BCCIP: variants seen among roughly 807,000 people sequenced by gnomAD.
BCCIP encodes the protein BRCA2 and CDKN1A interacting protein, also known as BRCA2 and CDKN1A-interacting protein.
BCCIP carries 23 observed loss-of-function variants against 32.8 expected under a neutral mutation model. That is an observed-to-expected ratio of 0.70 (90% CI 0.51 to 0.99). The LOEUF (loss-of-function observed/expected upper bound fraction) is 0.99, where lower values mean the gene tolerates loss of function less well. Ranked by LOEUF, BCCIP falls within the 50% of genes least tolerant of loss-of-function variation. BCCIP has a pLI of 0.00. For missense variants in BCCIP, 378 were observed against 379.8 expected (o/e 1.00, Z 0.04); for synonymous variants, 144 against 137.6 (o/e 1.05, Z -0.33).
At chr10:125,840,842 C>G, downstream of BCCIP, 1 of 1,581,686 alleles carries the variant, frequency 6.3e-7, no homozygotes, top group Non-Finnish European at 8.6e-7. Flanking sequence ...TGAGCATTCA[C>G]TTACACTCAC....
At chr10:125,841,448 C>T (rs1478303162), downstream of BCCIP, 1 of 1,546,022 alleles carries the variant, frequency 6.5e-7, no homozygotes. Context: ...CCTCTAGTGA[C>T]ACATTTTCTT....
exon 8 of BCCIP, chr10:125,853,493 A>G (rs1944118490): frequency 4.2e-6 from 1 of 237,188 alleles, no homozygotes; most frequent in Admixed American, 5.5e-5. Flanking sequence ...ATAAGCCAAA[A>G]TTTGCTAAAA....
intron 5 of BCCIP, among the ~76,000 whole-genome samples, chr10:125,832,544 G>GT (rs200793319): frequency 0.025 from 3,782 of 149,622 alleles, 73 homozygotes; most frequent in Non-Finnish European, 0.039. Context: ...AGTGGTTTTT[G>GT]TTTTTTTTTG....
exon 8 of BCCIP, chr10:125,853,475 C>T (rs903059532): frequency 2.0e-5 from 5 of 253,186 alleles, no homozygotes; most frequent in South Asian, 1.5e-4. Flanking sequence ...AAAATTTTAT[C>T]GTCAATTATA....
downstream of BCCIP, among the ~76,000 whole-genome samples, chr10:125,847,106 C>T (rs1944031655): frequency 6.6e-6 from 1 of 152,120 alleles, no homozygotes; most frequent in Non-Finnish European, 1.5e-5. Context: ...GGAGACTCTA[C>T]ACATTTGCAT....
downstream of BCCIP, among the ~76,000 whole-genome samples, chr10:125,845,558 C>T (rs186147924): frequency 2.4e-3 from 369 of 152,346 alleles, 1 homozygote; most frequent in African/African-American, 8.4e-3. Flanking sequence ...GGTAACCAGT[C>T]CCCAAAGCCA....
At chr10:125,841,618 G>C in exon 7 of BCCIP, 1 of 1,466,828 alleles carries the variant, frequency 6.8e-7, no homozygotes, top group Non-Finnish European at 8.9e-7. Flanking sequence ...CATTTCAAAA[G>C]GTTAAATGAG....
Position 125,829,548 on chromosome 10 carries a change from C to T in BCCIP, c.322-1014C>T, listed in dbSNP as rs183062102. On this transcript the variant is annotated intron_variant, in intron 3 of 6. Coordinates refer to ENST00000278100, the MANE Select transcript of BCCIP (RefSeq NM_078468.3). Reference sequence around the variant, plus strand: ...ATCTGACTTTTACACCACTAAAATTCGGACACTGAGTGATAGGGTCACCAA... The same window carrying T: ...ATCTGACTTTTACACCACTAAAATTTGGACACTGAGTGATAGGGTCACCAA... Among the ~76,000 whole-genome samples, 23 of 152,308 alleles carry T rather than the reference C, an allele frequency of 1.5e-4. 1 individual carries two copies. In the South Asian group the frequency reaches 3.1e-3, roughly 21 times the overall value.
At chr10:125,852,263 T>C (rs1239825134) in intron 7 of BCCIP, 1 of 1,608,780 alleles carries the variant, frequency 6.2e-7, no homozygotes, top group African/African-American at 1.3e-5. Context: ...CTCAGCCTAA[T>C]GCCTGGCTGA....
At chr10:125,824,982 G>A (rs1854340791) in intron 1 of BCCIP, among the ~76,000 whole-genome samples, 1 of 152,272 alleles carries the variant, frequency 6.6e-6, no homozygotes, top group South Asian at 2.1e-4. Flanking sequence ...TGACACCATG[G>A]TGTGGGTATG....
chr10:125,848,744 G>A (rs550632629), intron 7 of BCCIP, among the ~76,000 whole-genome samples: 1 of 152,294 alleles, frequency 6.6e-6, no homozygotes, highest in South Asian at 2.1e-4. Flanking sequence ...GGCCCCTGTG[G>A]TGCAGAGCTC....
At chr10:125,850,782 CA>C (rs1944080942) in intron 7 of BCCIP, among the ~76,000 whole-genome samples, 1 of 152,214 alleles carries the variant, frequency 6.6e-6, no homozygotes, top group Non-Finnish European at 1.5e-5. Context: ...ATACCAAAGC[CA>C]GTCATCTGGC....
intron 7 of BCCIP, among the ~76,000 whole-genome samples, chr10:125,848,840 A>G (rs1944055979): frequency 6.6e-6 from 1 of 152,220 alleles, no homozygotes; most frequent in Non-Finnish European, 1.5e-5. Flanking sequence ...ATGTTAACTA[A>G]TTTATCTTAA....
At chr10:125,838,425 T>G (rs1475062043), downstream of BCCIP, 2 of 1,502,722 alleles carry the variant, frequency 1.3e-6, no homozygotes, top group East Asian at 4.6e-5. Context: ...GATTTTGTAT[T>G]AATATGGAGA....
downstream of BCCIP, among the ~76,000 whole-genome samples, chr10:125,839,351 G>C (rs1237868078): frequency 6.6e-6 from 1 of 152,256 alleles, no homozygotes; most frequent in Non-Finnish European, 1.5e-5. Flanking sequence ...ATTTCTGGTG[G>C]CTGCAAGGTC....
chr10:125,839,254 A>G (rs2065959315), downstream of BCCIP: 1 of 1,526,480 alleles, frequency 6.6e-7, no homozygotes, highest in South Asian at 1.2e-5. Context: ...AGCCCAGGCC[A>G]GGCAGTTGCC....
downstream of BCCIP, among the ~76,000 whole-genome samples, chr10:125,846,879 G>A (rs952556250): frequency 1.3e-5 from 2 of 152,180 alleles, no homozygotes; most frequent in African/African-American, 4.8e-5. Context: ...AGGGCAGAGA[G>A]CAGCTAAGAC....
rs369257550 is a variant in BCCIP at position 125,834,331 on chromosome 10, C to T, written c.774+385C>T. On this transcript the variant is annotated intron_variant, in intron 6 of 6. Coordinates refer to ENST00000278100, the MANE Select transcript of BCCIP (RefSeq NM_078468.3). ...GGCATAGGGAAATGAGGGAAATTAC[C>T]TGCGATCACACAGCTGGTCAGTGTG... Among the ~76,000 whole-genome samples, 9 of 152,246 alleles carry T rather than the reference C, an allele frequency of 5.9e-5. No homozygotes were observed. The South Asian group carries it at 1.7e-3, about 28-fold the overall frequency.
chr10:125,851,938 AAAAG>A (rs1473301734), intron 7 of BCCIP, among the ~76,000 whole-genome samples: 4 of 151,162 alleles, frequency 2.6e-5, no homozygotes, highest in African/African-American at 7.3e-5. Context: ...AAAAAAAAAA[AAAAG>A]AAAAGAAAAA....
Sources: gnomAD v4.1 joint callset for allele counts (sites outside exome capture counted in the v4.1 genomes callset) on GRCh38, gnomAD v4.1.1 for gene constraint, MANE v1.5 for transcripts, NCBI Gene and HGNC (gene_info 2026-07-23, HGNC 2026-07-21) for gene names.